Variants in ZNF804A observed in about 807,000 individuals in gnomAD.
ZNF804A encodes zinc finger protein 804A.
Under a neutral mutation model 16.5 loss-of-function variants are expected in ZNF804A, and 2 were observed. The ratio of observed to expected loss-of-function variants is 0.12; its 90% CI spans 0.05 to 0.38. The LOEUF (loss-of-function observed/expected upper bound fraction) is 0.38. Ranked by LOEUF, ZNF804A falls within the 10% of genes least tolerant of loss-of-function variation. The pLI is 0.99. For missense variants in ZNF804A, 1,473 were observed against 1,390.7 expected (o/e 1.06, Z -0.94); for synonymous variants, 534 against 489.6 (o/e 1.09, Z -1.20).
intron 1 of ZNF804A, among the ~76,000 whole-genome samples, chr2:184,820,502 A>C (rs766982571): frequency 6.6e-6 from 1 of 152,038 alleles, no homozygotes; most frequent in Non-Finnish European, 1.5e-5. Context: ...CTTGAAAACC[A>C]GCACAAGAAA....
intron 2 of ZNF804A, among the ~76,000 whole-genome samples, chr2:184,908,652 A>G (rs1267518998): frequency 6.6e-6 from 1 of 152,142 alleles, no homozygotes; most frequent in African/African-American, 2.4e-5. Context: ...CCAGCTCTTC[A>G]TCAAAGCCAC....
intron 1 of ZNF804A, among the ~76,000 whole-genome samples, chr2:184,778,755 G>C (rs1047350703): frequency 6.6e-6 from 1 of 151,530 alleles, no homozygotes; most frequent in Non-Finnish European, 1.5e-5. Context: ...ATGATCCAGG[G>C]ACTGTCATTG....
intron 1 of ZNF804A, among the ~76,000 whole-genome samples, chr2:184,790,462 T>C (rs12693391): frequency 0.14 from 21,056 of 152,062 alleles, 1,576 homozygotes; most frequent in Middle Eastern, 0.23. Context: ...AGTATTATTT[T>C]ATTACTATCA....
intron 1 of ZNF804A, among the ~76,000 whole-genome samples, chr2:184,621,239 A>G (rs1343409662): frequency 6.6e-6 from 1 of 151,712 alleles, no homozygotes; most frequent in Non-Finnish European, 1.5e-5. Flanking sequence ...ACTGGTAGAT[A>G]ATTTTTAAAT....
At chr2:184,750,208 C>G (rs1693858822) in intron 1 of ZNF804A, among the ~76,000 whole-genome samples, 1 of 151,138 alleles carries the variant, frequency 6.6e-6, no homozygotes, top group African/African-American at 2.4e-5. Context: ...TTCTATAAAC[C>G]AACATGGATA....
At chr2:184,878,774 G>T (rs1221598400) in intron 2 of ZNF804A, among the ~76,000 whole-genome samples, 1 of 151,744 alleles carries the variant, frequency 6.6e-6, no homozygotes, top group Non-Finnish European at 1.5e-5. Context: ...ACCCAATATG[G>T]TTACATATTT....
intron 1 of ZNF804A, among the ~76,000 whole-genome samples, chr2:184,676,637 A>G (rs1306395487): frequency 6.6e-6 from 1 of 151,694 alleles, no homozygotes; most frequent in African/African-American, 2.4e-5. Flanking sequence ...TATAAATATA[A>G]TGTTTTTTCT....
intron 2 of ZNF804A, among the ~76,000 whole-genome samples, chr2:184,916,995 T>C (rs1291349177): frequency 2.0e-5 from 3 of 152,234 alleles, no homozygotes; most frequent in African/African-American, 7.2e-5. Context: ...ATTGATTAAA[T>C]GAGGCTCACC....
At chr2:184,875,249 T>C (rs1696035426) in intron 2 of ZNF804A, among the ~76,000 whole-genome samples, 1 of 152,200 alleles carries the variant, frequency 6.6e-6, no homozygotes, top group Non-Finnish European at 1.5e-5. Context: ...TGGAATCTCA[T>C]GTGGAAATTT....
intron 1 of ZNF804A, among the ~76,000 whole-genome samples, chr2:184,865,519 C>T (rs1439274727): frequency 1.3e-5 from 2 of 152,068 alleles, no homozygotes; most frequent in South Asian, 4.2e-4. Flanking sequence ...GGCTCTTTTG[C>T]CATTATTTGT....
At chr2:184,929,111 T>C (rs1685654985) in intron 2 of ZNF804A, among the ~76,000 whole-genome samples, 1 of 152,188 alleles carries the variant, frequency 6.6e-6, no homozygotes, top group Non-Finnish European at 1.5e-5. Context: ...TATTCTACCA[T>C]CTAGCCTCTC....
chr2:184,754,699 GTATT>G (rs1229702216), intron 1 of ZNF804A, among the ~76,000 whole-genome samples: 2 of 151,626 alleles, frequency 1.3e-5, no homozygotes, highest in East Asian at 3.9e-4. Context: ...AGTGTTATCT[GTATT>G]TATTTATATT....
At chr2:184,745,048 C>T (rs535648200) in intron 1 of ZNF804A, among the ~76,000 whole-genome samples, 30 of 151,872 alleles carry the variant, frequency 2.0e-4, no homozygotes, top group Non-Finnish European at 3.5e-4. Context: ...CTTTTAAAAA[C>T]ACTGTTGCTC....
At chr2:184,820,315 A>G (rs1297846865) in intron 1 of ZNF804A, among the ~76,000 whole-genome samples, 1 of 152,148 alleles carries the variant, frequency 6.6e-6, no homozygotes, top group Non-Finnish European at 1.5e-5. Context: ...AAAGACAAAA[A>G]CCACATGATT....
intron 1 of ZNF804A, among the ~76,000 whole-genome samples, chr2:184,646,698 A>G (rs1315834744): frequency 6.6e-6 from 1 of 152,080 alleles, no homozygotes; most frequent in Non-Finnish European, 1.5e-5. Context: ...TGGAGAATAT[A>G]CTCTCCTTGA....
chr2:184,733,417 G>A (rs1693552441), intron 1 of ZNF804A, among the ~76,000 whole-genome samples: 1 of 151,928 alleles, frequency 6.6e-6, no homozygotes, highest in Non-Finnish European at 1.5e-5. Flanking sequence ...ATGAATTGTT[G>A]GATTTGATTT....
intron 1 of ZNF804A, among the ~76,000 whole-genome samples, chr2:184,707,633 G>T (rs981603620): frequency 2.0e-5 from 3 of 152,022 alleles, no homozygotes; most frequent in Non-Finnish European, 4.4e-5. Context: ...TTCTTTTTAT[G>T]GCTAAATAGT....
At chr2:184,935,618 A>C (rs1218073542) in intron 3 of ZNF804A, among the ~76,000 whole-genome samples, 165 bp from the exon 4 acceptor site, 1 of 152,202 alleles carries the variant, frequency 6.6e-6, no homozygotes, top group African/African-American at 2.4e-5. Context: ...AGTAAATGAT[A>C]TTGTGGCACC....
chr2:184,704,238 G>A (rs767581158), intron 1 of ZNF804A, among the ~76,000 whole-genome samples: 2 of 150,670 alleles, frequency 1.3e-5, no homozygotes, highest in African/African-American at 2.4e-5. Context: ...GGCAACCCCC[G>A]CCTCCCGAGA....
Sources: gnomAD v4.1 joint callset for allele counts (sites outside exome capture counted in the v4.1 genomes callset) on GRCh38, gnomAD v4.1.1 for gene constraint, MANE v1.5 for transcripts, NCBI Gene and HGNC (gene_info 2026-07-23, HGNC 2026-07-21) for gene names.